LMNA: variants seen among roughly 807,000 people sequenced by gnomAD.
LMNA encodes the protein lamin A/C, also known as lamin.
A neutral mutation model predicts 70.4 loss-of-function variants in LMNA; 20 were observed. That is an observed-to-expected ratio of 0.28 (90% CI 0.20 to 0.41). The LOEUF is 0.41. Among genes scored for constraint, LMNA ranks in the 10% least tolerant of loss-of-function variants. The pLI, the probability that LMNA is intolerant of heterozygous loss-of-function variation, is 1.00. For missense variants in LMNA, 652 were observed against 917.2 expected (o/e 0.71, Z 3.73); for synonymous variants, 339 against 372.8 (o/e 0.91, Z 1.04).
chr1:156,136,614 G>C lies in LMNA; in HGVS notation c.1380+178G>C. On this transcript the variant is annotated intron_variant, in intron 7 of 11. Transcript: ENST00000368300. The surrounding 1 kb of genome is among the most constrained non-coding windows in gnomAD (Gnocchi z 6.1). ...TGGCTCCTGGACTCTTTGGCTGTGA[G>C]ACCTTGAGCAGGTTATTTAACCTCT... The C allele has an allele frequency of 1.4e-6, 1 of 729,460 alleles. No homozygotes were observed. The highest frequency in any genetic ancestry group is 1.6e-5 in the South Asian group (1 of 64,150). 45.2% of individuals were successfully genotyped at this position (729,460 alleles called of 1,614,324 possible).
chr1:156,092,034 C>T (rs1251324107), intron 3 of LMNA, among the ~76,000 whole-genome samples: 4 of 151,964 alleles, frequency 2.6e-5, no homozygotes, highest in African/African-American at 7.3e-5. Flanking sequence ...TCTCCTGCCT[C>T]GGCCTCCCTA....
chr1:156,096,927 G>A (rs1648957817), intron 3 of LMNA, among the ~76,000 whole-genome samples: 1 of 152,228 alleles, frequency 6.6e-6, no homozygotes, highest in Non-Finnish European at 1.5e-5. Context: ...AAGCCCTGGG[G>A]CTCGGGGGCA....
chr1:156,137,223 C>T lies in LMNA; in HGVS notation c.1599C>T (p.Ser533=), dbSNP rs886043346. 1 of 1,585,444 alleles carries T rather than the reference C, an allele frequency of 6.3e-7. No homozygotes were observed. The highest frequency in any genetic ancestry group is 8.6e-7 in the Non-Finnish European group (1 of 1,167,976). ...GNSLRTALIN[S]TGEEVAMRKL... is the part of the protein sequence containing the mutation. The stretch of plus-strand genomic sequence containing the variant: ...GCCTGCGTACGGCTCTCATCAACTC[C>T]ACTGGGGAAGTAAGTAGGCCTGGGC... Residue 533 remains serine (S), a synonymous_variant, in exon 9 of 12, where the codon TCC becomes TCT. Transcript: ENST00000368300. This position sits in a 1 kb window ranked among gnomAD's most constrained non-coding sequence, Gnocchi z 4.6.
Position 156,138,107 on chromosome 1 carries a change from C to G in LMNA, c.1698+364C>G, listed in dbSNP as rs183852105. 1.0e-4 allele frequency: 54 copies of G among 520,714 alleles called. No individual in the cohort carries two copies. The Admixed American group carries it at 1.2e-3, about 12-fold the overall frequency. 32.3% of individuals were successfully genotyped at this position (520,714 alleles called of 1,614,324 possible). Reference sequence around the variant, plus strand: ...TTGTTGCATGCATATCCTCTCATTTCCCTCATTTTTCCTGCAAGAATGTTC... The same window carrying G: ...TTGTTGCATGCATATCCTCTCATTTGCCTCATTTTTCCTGCAAGAATGTTC... On this transcript the variant is annotated intron_variant, in intron 10 of 11. Coordinates refer to ENST00000368300, the MANE Select transcript of LMNA (RefSeq NM_170707.4). This position sits in a 1 kb window ranked among gnomAD's most constrained non-coding sequence, Gnocchi z 5.5.
Position 156,134,086 on chromosome 1 carries a change from G to A in LMNA, c.514-317G>A, listed in dbSNP as rs934549624. ...GGCTGGAGTGCAGTAGTGCGATCTCGGCTCACTGCAACCTCCACCTCCTGG... is the reference window on the plus strand; with the variant it reads ...GGCTGGAGTGCAGTAGTGCGATCTCAGCTCACTGCAACCTCCACCTCCTGG... On this transcript the variant is annotated intron_variant, in intron 2 of 11. Transcript: ENST00000368300. This position sits in a 1 kb window ranked among gnomAD's most constrained non-coding sequence, Gnocchi z 5.3. Among the ~76,000 whole-genome samples, 4 of 152,090 alleles carry A rather than the reference G, an allele frequency of 2.6e-5. No homozygotes were observed. The highest frequency in any genetic ancestry group is 2.1e-4 in the South Asian group (1 of 4,826).
At chr1:156,086,514 A>G (rs1648483262) in intron 2 of LMNA, among the ~76,000 whole-genome samples, 1 of 151,984 alleles carries the variant, frequency 6.6e-6, no homozygotes, top group African/African-American at 2.4e-5. Context: ...CACACACACA[A>G]GCCAGGCTGC....
In LMNA at chr1:156,134,488, T is replaced by C; in HGVS notation, c.599T>C (p.Met200Thr). 3 of 1,614,100 alleles carry C rather than the reference T, an allele frequency of 1.9e-6. No homozygotes were observed. Among genetic ancestry groups the C allele is most frequent in the Non-Finnish European group, 2.5e-6 (3 of 1,180,014 alleles). ...GATGCTGAGAACAGGCTGCAGACCA[T>C]GAAGGAGGAACTGGACTTCCAGAAG... ...RVDAENRLQT[M>T]KEELDFQKNI... The change falls in exon 3 of 12, where the codon ATG (methionine) becomes ACG (threonine). Residue 200 changes from methionine to threonine, a missense_variant. By Grantham distance (81) the Met-to-Thr change is moderately conservative. Coordinates refer to ENST00000368300, the MANE Select transcript of LMNA (RefSeq NM_170707.4). This position sits in a 1 kb window ranked among gnomAD's most constrained non-coding sequence, Gnocchi z 5.3.
At position 156,138,780 on chromosome 1, in the gene LMNA, C is replaced by A. The variant is rs1452019890; in HGVS notation, c.1968+23C>A. ...CAGGTGAGTTGTCTCTGCTTTGTCTCCAAATCCTGCAGGCGGGTCCCTGGT... is the reference window on the plus strand; with the variant it reads ...CAGGTGAGTTGTCTCTGCTTTGTCTACAAATCCTGCAGGCGGGTCCCTGGT... On this transcript the variant is annotated intron_variant, in intron 11 of 11. Coordinates refer to ENST00000368300, the MANE Select transcript of LMNA (RefSeq NM_170707.4). This position sits in a 1 kb window ranked among gnomAD's most constrained non-coding sequence, Gnocchi z 5.5. The A allele has an allele frequency of 6.2e-7, 1 of 1,613,214 alleles. No homozygotes were observed. Among genetic ancestry groups the A allele is most frequent in the Non-Finnish European group, 8.5e-7 (1 of 1,179,994 alleles).
intron 3 of LMNA, among the ~76,000 whole-genome samples, chr1:156,092,746 C>T (rs1558107183): frequency 1.3e-5 from 2 of 151,888 alleles, no homozygotes; most frequent in Non-Finnish European, 2.9e-5. Context: ...TCCCCGTTGC[C>T]ATCAGATTCA....
At chr1:156,083,343 G>A (rs1242623877) in intron 2 of LMNA, among the ~76,000 whole-genome samples, 1 of 152,160 alleles carries the variant, frequency 6.6e-6, no homozygotes, top group Non-Finnish European at 1.5e-5. Context: ...TTAACCGTTT[G>A]GGGTGAGGGC....
At position 156,134,274 on chromosome 1, in the gene LMNA, A is replaced by G; in HGVS notation, c.514-129A>G. ...ATGTCCTGACCCCTGCAGGCATCCA[A>G]GGCCCTCCTTCCCTGGACCTGTTTC... On this transcript the variant is annotated intron_variant, in intron 2 of 11. Transcript: ENST00000368300. This position sits in a 1 kb window ranked among gnomAD's most constrained non-coding sequence, Gnocchi z 5.3. 1 of 1,004,776 alleles carries G rather than the reference A, an allele frequency of 1.0e-6. No individual in the cohort carries two copies. Among genetic ancestry groups the G allele is most frequent in the Non-Finnish European group, 1.5e-6 (1 of 659,080 alleles). 62.2% of individuals were successfully genotyped at this position (1,004,776 alleles called of 1,614,324 possible). A position where few individuals can be genotyped will look rare whatever the true frequency, so the allele number is the denominator to read the frequency against.
In LMNA at chr1:156,130,757, G is replaced by C. The variant is rs267607570; in HGVS notation, c.497G>C (p.Arg166Pro). The C allele has an allele frequency of 1.3e-6, 2 of 1,589,196 alleles. No homozygotes were observed. Among genetic ancestry groups the C allele is most frequent in the Non-Finnish European group, 1.7e-6 (2 of 1,167,926 alleles). Reference sequence around the variant, plus strand: ...CTGGAGGGCGAGCTGCATGATCTGCGGGGCCAGGTGGCCAAGGTGAGGCCA... The same window carrying C: ...CTGGAGGGCGAGCTGCATGATCTGCCGGGCCAGGTGGCCAAGGTGAGGCCA... ...RTLEGELHDLRGQVAKLEAAL... is the reference protein window; with the variant it reads ...RTLEGELHDLPGQVAKLEAAL... Residue 166 changes from arginine to proline, a missense_variant, in exon 2 of 12, where the codon CGG (arginine) becomes CCG (proline). Coordinates refer to ENST00000368300, the MANE Select transcript of LMNA (RefSeq NM_170707.4).
chr1:156,104,198 G>A (rs1453344262), intron 3 of LMNA, among the ~76,000 whole-genome samples: 1 of 152,244 alleles, frequency 6.6e-6, no homozygotes, highest in African/African-American at 2.4e-5. Context: ...AGAGGTGCGT[G>A]TATGGAGGGG....
chr1:156,138,462 C>G lies in LMNA; in HGVS notation c.1699-26C>G, dbSNP rs573661075. 1.9e-6 allele frequency: 3 copies of G among 1,608,232 alleles called. No homozygotes were observed. Among genetic ancestry groups the G allele is most frequent in the Non-Finnish European group, 2.5e-6 (3 of 1,178,566 alleles). ...GTGGTCAGTCCCAGACTCGCCGTCC[C>G]GCCTGAGCCTTGTCTCCCTTCCCAG... On this transcript the variant is annotated intron_variant, in intron 10 of 11. Coordinates refer to ENST00000368300, the MANE Select transcript of LMNA (RefSeq NM_170707.4). This position sits in a 1 kb window ranked among gnomAD's most constrained non-coding sequence, Gnocchi z 5.5.
In LMNA at chr1:156,130,629, G is replaced by A. The variant is rs367938270; in HGVS notation, c.369G>A (p.Lys123=). The A allele has an allele frequency of 1.9e-6, 3 of 1,613,958 alleles. No individual in the cohort carries two copies. The African/African-American group carries it at 4.0e-5, about 22-fold the overall frequency. The change falls in exon 2 of 12, where the codon AAG becomes AAA. Residue 123 remains lysine (K), a synonymous_variant. Transcript: ENST00000368300. ...CTCTCTTCTTTAGCAATACCAAGAA[G>A]GAGGGTGACCTGATAGCTGCTCAGG... The part of the protein sequence containing the change: ...FKELKARNTK[K]EGDLIAAQAR...
At chr1:156,088,145 C>G (rs1161136362) in intron 2 of LMNA, among the ~76,000 whole-genome samples, 7 of 152,106 alleles carry the variant, frequency 4.6e-5, no homozygotes, top group Admixed American at 4.6e-4. Flanking sequence ...GCTGGGATTA[C>G]AGGTGTGAGC....
At chr1:156,119,889 C>G (rs940421092) in intron 1 of LMNA, among the ~76,000 whole-genome samples, 1 of 152,196 alleles carries the variant, frequency 6.6e-6, no homozygotes, top group Non-Finnish European at 1.5e-5. Flanking sequence ...TCCTGAGACC[C>G]TCTGGTGGTG....
chr1:156,091,015 C>CCG (rs1358779964), intron 3 of LMNA: 1 of 152,276 alleles, frequency 6.6e-6, no homozygotes, highest in Non-Finnish European at 1.5e-5. Context: ...TCTCCAGCTT[C>CCG]CGCTTGCCCC....
chr1:156,119,915 C>A (rs914161930), intron 1 of LMNA, among the ~76,000 whole-genome samples: 6 of 152,210 alleles, frequency 3.9e-5, no homozygotes, highest in Non-Finnish European at 5.9e-5. Context: ...ACACATAGCT[C>A]TCTCTGGACA....
Sources: allele counts gnomAD v4.1 joint callset (sites outside exome capture counted in the v4.1 genomes callset), GRCh38; gene constraint gnomAD v4.1.1; non-coding constraint Gnocchi (gnomAD v3.1); transcripts MANE v1.5; gene names NCBI Gene and HGNC (gene_info 2026-07-23, HGNC 2026-07-21).